The following CDK7 variants were observed in gnomAD, a reference collection of about 807,000 sequenced individuals.
The protein encoded by CDK7 is cyclin-dependent kinase 7.
Under a neutral mutation model 49.1 loss-of-function variants are expected in CDK7, and 25 were observed. That is an observed-to-expected ratio of 0.51 (90% CI 0.37 to 0.71). The LOEUF (loss-of-function observed/expected upper bound fraction) is 0.71. Among genes scored for constraint, CDK7 ranks in the 30% least tolerant of loss-of-function variants. The probability of loss-of-function intolerance (pLI) is 0.00; values close to 1 mark genes in which losing one functional copy is unlikely to be tolerated. For missense variants in CDK7, 316 were observed against 411.7 expected, an observed-to-expected ratio of 0.77 and a Z score of 2.01; for synonymous variants, 107 against 140.0, an observed-to-expected ratio of 0.76 and a Z score of 1.67.
rs148603196 is a variant in CDK7, at chr5:69,237,963, A to G, written c.126+2510A>G. 2.0e-3 allele frequency among the ~76,000 whole-genome samples: 299 copies of G among 152,216 alleles called. 2 individuals are homozygous for G. Among genetic ancestry groups the G allele is most frequent in the African/African-American group, 6.9e-3 (285 of 41,528 alleles). On this transcript the variant is annotated intron_variant, in intron 2 of 11. Coordinates refer to ENST00000256443, the MANE Select transcript of CDK7 (RefSeq NM_001799.4). ...TTAGACGTTGTCTATACTTTCTACT[A>G]TGAACATTGAGGATTTGGTGTTGTA...
chr5:69,241,760 G>T (rs943126613), intron 2 of CDK7, among the ~76,000 whole-genome samples: 1 of 152,080 alleles, frequency 6.6e-6, no homozygotes, highest in Non-Finnish European at 1.5e-5. Flanking sequence ...TGGATTATTA[G>T]ATTTTTTTCA....
chr5:69,244,538 A>C (rs1749601693), intron 2 of CDK7, among the ~76,000 whole-genome samples: 1 of 149,518 alleles, frequency 6.7e-6, no homozygotes, highest in African/African-American at 2.5e-5. Context: ...TGGGAGGCTG[A>C]GGAGGGAGAA....
intron 7 of CDK7, among the ~76,000 whole-genome samples, chr5:69,260,885 A>G (rs1433636334): frequency 6.6e-6 from 1 of 152,080 alleles, no homozygotes; most frequent in Non-Finnish European, 1.5e-5. Context: ...TTGTGCAAAC[A>G]GTACTCACTG....
Position 69,262,216 on chromosome 5 carries a change from C to A in CDK7, c.539C>A (p.Ala180Asp). The part of the protein sequence containing the change: ...THQVVTRWYR[A>D]PELLFGARMY... ...TTTTTGTTCTTTAGGTGGTATCGGGCCCCCGAGTTACTATTTGGAGCTAGG... is the reference window on the plus strand; with the variant it reads ...TTTTTGTTCTTTAGGTGGTATCGGGACCCCGAGTTACTATTTGGAGCTAGG... Residue 180 changes from alanine to aspartate, a missense_variant, in exon 8 of 12, where the codon GCC becomes GAC. Ala to Asp is a moderately radical substitution (Grantham distance 126, BLOSUM62 -2). Coordinates refer to ENST00000256443, the MANE Select transcript of CDK7 (RefSeq NM_001799.4). The A allele has an allele frequency of 6.2e-7, 1 of 1,613,574 alleles. No homozygotes were observed. Among genetic ancestry groups the A allele is most frequent in the Non-Finnish European group, 8.5e-7 (1 of 1,179,994 alleles).
chr5:69,261,790 A>C (rs1461133653), intron 7 of CDK7, among the ~76,000 whole-genome samples: 1 of 152,206 alleles, frequency 6.6e-6, no homozygotes, highest in Non-Finnish European at 1.5e-5. Context: ...CGGCCTCCCA[A>C]AGTGCTGGGA....
At chr5:69,236,952 T>G (rs1490869779) in intron 2 of CDK7, among the ~76,000 whole-genome samples, 3 of 133,166 alleles carry the variant, frequency 2.3e-5, no homozygotes, top group East Asian at 4.6e-4. Context: ...GTGCCTGGCC[T>G]TCTTTTTTTT....
At position 69,252,494 on chromosome 5, in the gene CDK7, CTTTTTTT is replaced by C. The variant is rs138764556; in HGVS notation, c.160+67_160+73del. 6.1e-3 allele frequency: 2,230 copies of C among 362,824 alleles called. 1 individual carries two copies. The highest frequency in any genetic ancestry group is 0.01 in the Middle Eastern group (11 of 1,086). The allele number at this position is 362,824 out of a possible 1,614,324, so 22.5% of individuals were successfully genotyped here. ...TCTGACAGATAGGAAAAGTTTTCTC[CTTTTTTT>C]TTTTTTTTTTTTTTTTTTTTTTTAA... On this transcript the variant is annotated intron_variant, in intron 3 of 11. Coordinates refer to ENST00000256443, the MANE Select transcript of CDK7 (RefSeq NM_001799.4).
chr5:69,265,058 T>C (rs189444237), intron 8 of CDK7, among the ~76,000 whole-genome samples: 2 of 151,480 alleles, frequency 1.3e-5, no homozygotes, highest in African/African-American at 2.4e-5. Context: ...GGTGAGGAGA[T>C]AGAGACCATC....
intron 2 of CDK7, among the ~76,000 whole-genome samples, chr5:69,247,853 G>C (rs1388179472): frequency 6.6e-6 from 1 of 152,110 alleles, no homozygotes; most frequent in African/African-American, 2.4e-5. Flanking sequence ...CAAGCAAAAA[G>C]AAAACTAATA....
intron 7 of CDK7, among the ~76,000 whole-genome samples, chr5:69,261,924 A>G (rs566292879): frequency 6.6e-6 from 1 of 152,198 alleles, no homozygotes; most frequent in Non-Finnish European, 1.5e-5. Flanking sequence ...GGCACCTATT[A>G]GGGGAGGTAG....
chr5:69,240,668 G>A (rs550432087), intron 2 of CDK7, among the ~76,000 whole-genome samples: 13 of 152,068 alleles, frequency 8.5e-5, no homozygotes, highest in Admixed American at 1.3e-4. Flanking sequence ...TCCCTCTGTC[G>A]CCAGGCTGGA....
At chr5:69,245,614 A>G (rs771527199) in intron 2 of CDK7, among the ~76,000 whole-genome samples, 6 of 152,040 alleles carry the variant, frequency 3.9e-5, no homozygotes, top group Non-Finnish European at 8.8e-5. Flanking sequence ...GTGCTGGGAT[A>G]GCCACTGTGC....
chr5:69,255,320 A>G lies in CDK7; in HGVS notation c.229-140A>G, dbSNP rs1432898876. ...TACTGTCCAAAAAAGGACAAATGTC[A>G]AATTTAATCAAATGATTTAAGCTTT... On this transcript the variant is annotated intron_variant, in intron 4 of 11. Coordinates refer to ENST00000256443, the MANE Select transcript of CDK7 (RefSeq NM_001799.4). The G allele has an allele frequency of 7.5e-6, 4 of 530,192 alleles. No individual in the cohort carries two copies. The East Asian group carries it at 1.1e-4, about 15-fold the overall frequency. The allele number at this position is 530,192 out of a possible 1,614,324, so 32.8% of individuals were successfully genotyped here.
At chr5:69,251,630 A>G (rs557127545) in intron 2 of CDK7, among the ~76,000 whole-genome samples, 4 of 152,216 alleles carry the variant, frequency 2.6e-5, no homozygotes, top group South Asian at 2.1e-4. Flanking sequence ...GCCTGGGCTC[A>G]AGCAATCCTC....
rs1244497434 is a variant in CDK7, at chr5:69,259,891, C to A, written c.482C>A (p.Ser161Tyr). ...CTGGCAGATTTTGGCCTGGCCAAAT[C>A]TTTTGGGAGCCCCAATAGAGCTTAT... ...LKLADFGLAK[S>Y]FGSPNRAYTH... The change falls in exon 7 of 12, where the codon TCT (serine) becomes TAT (tyrosine). Residue 161 changes from serine (S) to tyrosine (Y), a missense_variant. Ser to Tyr is a moderately radical substitution (Grantham distance 144). Transcript: ENST00000256443. 14 of 1,613,902 alleles carry A rather than the reference C, an allele frequency of 8.7e-6. No homozygotes were observed. Among genetic ancestry groups the A allele is most frequent in the Middle Eastern group, 1.6e-4 (1 of 6,062 alleles).
intron 9 of CDK7, among the ~76,000 whole-genome samples, chr5:69,270,793 TTAA>T (rs1751475425): frequency 1.3e-5 from 2 of 152,228 alleles, no homozygotes; most frequent in Non-Finnish European, 2.9e-5. Context: ...TCATTGCATG[TTAA>T]TAATTCATTC....
intron 8 of CDK7, among the ~76,000 whole-genome samples, chr5:69,268,281 G>A (rs1751293900): frequency 6.6e-6 from 1 of 152,130 alleles, no homozygotes; most frequent in South Asian, 2.1e-4. Context: ...TTGTTTATGT[G>A]TATCAGCACT....
At chr5:69,256,448 G>A (rs1247467094) in intron 5 of CDK7, among the ~76,000 whole-genome samples, 2 of 151,918 alleles carry the variant, frequency 1.3e-5, no homozygotes, top group African/African-American at 4.8e-5. Flanking sequence ...CTGCCTCCCA[G>A]GTTCAAGCAA....
rs548025135 is a variant in CDK7 at position 69,276,746 on chromosome 5, C to T, written c.1012+56C>T. 7 of 1,446,718 alleles carry T rather than the reference C, an allele frequency of 4.8e-6. No homozygotes were observed. The East Asian group carries it at 6.8e-5, about 14-fold the overall frequency. 89.6% of individuals were successfully genotyped at this position (1,446,718 alleles called of 1,614,324 possible). Reference sequence around the variant, plus strand: ...TGAATTTAGAAAACTCCAAATAGCTCGTGTATGGCTAGCGACTGAACAACA... The same window carrying T: ...TGAATTTAGAAAACTCCAAATAGCTTGTGTATGGCTAGCGACTGAACAACA... On this transcript the variant is annotated intron_variant, in intron 11 of 11. Transcript: ENST00000256443.
Sources: allele counts gnomAD v4.1 joint callset (sites outside exome capture counted in the v4.1 genomes callset), GRCh38; gene constraint gnomAD v4.1.1; transcripts MANE v1.5; gene names NCBI Gene and HGNC (gene_info 2026-07-23, HGNC 2026-07-21).